Variants in SLC26A8 observed in about 807,000 individuals in gnomAD.
The protein encoded by SLC26A8 is solute carrier family 26 member 8.
Under a neutral mutation model 105.0 loss-of-function variants are expected in SLC26A8, and 70 were observed. The observed-to-expected ratio is 0.67, with a 90% CI of 0.55 to 0.81. The LOEUF is 0.81. SLC26A8 is among the 40% of genes least tolerant of loss of function. The pLI, the probability that SLC26A8 is intolerant of heterozygous loss-of-function variation, is 0.00. For missense variants in SLC26A8, 998 were observed against 1,181.8 expected (o/e 0.84, Z 2.28); for synonymous variants, 415 against 438.3 (o/e 0.95, Z 0.66).
intron 14 of SLC26A8, 168 bp downstream of exon 14, chr6:35,960,675 T>A (rs191413149): frequency 0.01 from 6,813 of 666,776 alleles, 223 homozygotes; most frequent in African/African-American, 0.092. Flanking sequence ...AAAAAAAAAA[T>A]AAAAACAAAG....
Position 35,951,509 on chromosome 6 carries a change from G to T in SLC26A8, c.2233-10C>A. The T allele has an allele frequency of 6.2e-7, 1 of 1,614,062 alleles. No homozygotes were observed. The highest frequency in any genetic ancestry group is 8.5e-7 in the Non-Finnish European group (1 of 1,179,974). On this transcript the variant is annotated splice_polypyrimidine_tract_variant and intron_variant, in intron 17 of 19. Transcript: ENST00000490799. ...GAAAGGCATTGCATATCTGTGGGGG[G>T]AGAGAAAACCAGTATCAGAAGGCTT...
chr6:35,961,726 C>T (rs929232607), intron 12 of SLC26A8, among the ~76,000 whole-genome samples: 1 of 152,160 alleles, frequency 6.6e-6, no homozygotes, highest in African/African-American at 2.4e-5. Context: ...AAGTTATCCC[C>T]TTTCATATTT....
intron 11 of SLC26A8, among the ~76,000 whole-genome samples, chr6:35,962,958 C>T (rs141018956): frequency 4.7e-4 from 72 of 152,238 alleles, no homozygotes; most frequent in African/African-American, 1.3e-3. Flanking sequence ...CCATCACTCA[C>T]GGCTAATTTT....
In SLC26A8 at chr6:35,955,442, C is replaced by G; in HGVS notation, c.1942G>C (p.Glu648Gln). ...GCAGTTTGGCTTGTGTTCATGCTCT[C>G]AAAATGTGAGCAGTGAATCAGGTTA... Reference protein sequence around the residue: ...SINLIHCSHFESMNTSQTASE... With the variant: ...SINLIHCSHFQSMNTSQTASE... Residue 648 changes from glutamate to glutamine, a missense_variant, in exon 17 of 20, where the codon GAG (glutamate) becomes CAG (glutamine). Transcript: ENST00000490799. 3.1e-6 allele frequency: 5 copies of G among 1,614,158 alleles called. No homozygotes were observed. The highest frequency in any genetic ancestry group is 4.2e-6 in the Non-Finnish European group (5 of 1,180,014).
rs1773251845 is a variant in SLC26A8, at chr6:35,981,163, T to G, written c.1025+958A>C. On this transcript the variant is annotated intron_variant, in intron 8 of 19. Coordinates refer to ENST00000490799, the MANE Select transcript of SLC26A8 (RefSeq NM_052961.4). The surrounding 1 kb of genome is among the most constrained non-coding windows in gnomAD (Gnocchi z 4.0). ...AAGAAACTGCAGTATATTGCCTTTC[T>G]TAGCTAATGTGATTCATCTGATTAA... Among the ~76,000 whole-genome samples the G allele has an allele frequency of 1.3e-5, 2 of 152,194 alleles. No individual in the cohort carries two copies. Among genetic ancestry groups the G allele is most frequent in the South Asian group, 4.1e-4 (2 of 4,828 alleles).
intron 16 of SLC26A8, 37 bp downstream of exon 16, chr6:35,959,423 A>G (rs1442525017): frequency 6.4e-7 from 1 of 1,568,090 alleles, no homozygotes; most frequent in East Asian, 2.3e-5. Flanking sequence ...TTTATAAAAT[A>G]TGGAGAAAAA....
At chr6:35,982,380 A>C (rs554847044) in intron 7 of SLC26A8, among the ~76,000 whole-genome samples, 177 bp from the exon 8 acceptor site, 29 of 152,360 alleles carry the variant, frequency 1.9e-4, no homozygotes, top group African/African-American at 6.7e-4. Flanking sequence ...CAAGGCAGGC[A>C]TTAGAGATCT....
chr6:35,951,704 A>G (rs1486929328), intron 17 of SLC26A8, among the ~76,000 whole-genome samples: 2 of 152,036 alleles, frequency 1.3e-5, no homozygotes, highest in African/African-American at 4.8e-5. Context: ...TCAGCCTCCC[A>G]AGTAGCTGAG....
At chr6:36,018,981 T>C (rs898972399) in intron 2 of SLC26A8, among the ~76,000 whole-genome samples, 8 of 152,132 alleles carry the variant, frequency 5.3e-5, no homozygotes. Context: ...GGCTAGAGTG[T>C]AGTGGCACAA....
At chr6:36,014,678 G>A (rs1048033050) in intron 2 of SLC26A8, among the ~76,000 whole-genome samples, 3 of 152,084 alleles carry the variant, frequency 2.0e-5, no homozygotes, top group Admixed American at 6.6e-5. Context: ...TCAGGAGTTC[G>A]AGATTGGCCT....
At chr6:35,962,451 C>G in intron 12 of SLC26A8, 75 bp downstream of exon 12, 1 of 1,232,092 alleles carries the variant, frequency 8.1e-7, no homozygotes, top group Non-Finnish European at 1.2e-6. Context: ...TGGCAGATCT[C>G]TTTTGTTTGT....
Position 36,012,347 on chromosome 6 carries a change from A to G in SLC26A8, c.214T>C (p.Cys72Arg). ...CRCSWHRFLR[C>R]VLTIFPFLEW... ...AGGAAGGGAAAGATTGTAAGCACGC[A>G]TCGTAGGAACCTGTGCCATGAGCAG... is the stretch of plus-strand genomic sequence containing the variant. The change falls in exon 3 of 20, where the codon TGC becomes CGC. Residue 72 changes from cysteine to arginine, a missense_variant. By Grantham distance (180) the Cys-to-Arg change is radical (BLOSUM62 -3). Coordinates refer to ENST00000490799, the MANE Select transcript of SLC26A8 (RefSeq NM_052961.4). 1 of 1,601,234 alleles carries G rather than the reference A, an allele frequency of 6.2e-7. No individual in the cohort carries two copies. The highest frequency in any genetic ancestry group is 8.5e-7 in the Non-Finnish European group (1 of 1,175,746).
chr6:36,001,094 G>A (rs1761506344), intron 3 of SLC26A8, among the ~76,000 whole-genome samples: 1 of 151,686 alleles, frequency 6.6e-6, no homozygotes, highest in East Asian at 1.9e-4. Flanking sequence ...TGTGGTAGAG[G>A]GTCTCTAATA....
At chr6:36,023,917 T>C (rs898569556) in intron 1 of SLC26A8, among the ~76,000 whole-genome samples, 4 of 152,232 alleles carry the variant, frequency 2.6e-5, no homozygotes, top group Middle Eastern at 3.4e-3. Flanking sequence ...CGGATGACCA[T>C]TGGACACATA....
At chr6:35,993,896 T>C (rs1422843194) in intron 5 of SLC26A8, among the ~76,000 whole-genome samples, 3 of 151,988 alleles carry the variant, frequency 2.0e-5, no homozygotes, top group African/African-American at 7.2e-5. Flanking sequence ...AGAGGGTAGG[T>C]TAAGAAAACT....
intron 8 of SLC26A8, among the ~76,000 whole-genome samples, chr6:35,978,810 GTCTTCTTCTTCTTCTTTCCT>G (rs1209668880): frequency 2.0e-5 from 3 of 149,064 alleles, no homozygotes; most frequent in Admixed American, 6.7e-5. Flanking sequence ...ATCCAACTAT[GTCTTCTTCTTCTTCTTTCCT>G]TCTTCTTCTT....
rs561837347 is a variant in SLC26A8 at position 35,978,102 on chromosome 6, T to C, written c.1026-751A>G. Among the ~76,000 whole-genome samples the C allele has an allele frequency of 2.1e-3, 252 of 119,534 alleles. 1 individual carries two copies. The highest frequency in any genetic ancestry group is 2.4e-3 in the Non-Finnish European group (137 of 56,276). The allele number at this position is 119,534 out of a possible 152,430, so 78.4% of individuals were successfully genotyped here. A position where few individuals can be genotyped will look rare whatever the true frequency, so the allele number is the denominator to read the frequency against. On this transcript the variant is annotated intron_variant, in intron 8 of 19. Transcript: ENST00000490799. ...CTCAGTCTCAAAAAAAAAAAAAAAT[T>C]CAATATACTCTGACACCAAAACCAG...
chr6:36,011,831 A>G (rs565174877), intron 3 of SLC26A8, among the ~76,000 whole-genome samples: 3 of 151,914 alleles, frequency 2.0e-5, no homozygotes, highest in Non-Finnish European at 4.4e-5. Flanking sequence ...CTGGTCTGGA[A>G]CTCCTGAGCT....
In SLC26A8 at chr6:35,991,692, C is replaced by T. The variant is rs766948763; in HGVS notation, c.909G>A (p.Gln303=). 1 of 1,602,134 alleles carries T rather than the reference C, an allele frequency of 6.2e-7. No homozygotes were observed. Among genetic ancestry groups the T allele is most frequent in the East Asian group, 2.3e-5 (1 of 44,326 alleles). The change falls in exon 7 of 20, where the codon CAG becomes CAA. Residue 303 remains glutamine (Q), a synonymous_variant. Coordinates refer to ENST00000490799, the MANE Select transcript of SLC26A8 (RefSeq NM_052961.4). ...ATTCCATGGGAAACTCAATGGGATA[C>T]TGATTGAAAGAAATTCTGATACATT... ...INKCIRISFN[Q]YPIEFPMELF...
Sources: gnomAD v4.1 joint callset for allele counts (sites outside exome capture counted in the v4.1 genomes callset) on GRCh38, gnomAD v4.1.1 for gene constraint, Gnocchi (gnomAD v3.1) non-coding constraint, MANE v1.5 for transcripts, NCBI Gene and HGNC (gene_info 2026-07-23, HGNC 2026-07-21) for gene names.